The following VPS53 variants were observed in gnomAD, a reference collection of about 807,000 sequenced individuals.
VPS53 encodes the protein vacuolar protein sorting-associated protein 53 homolog.
In VPS53, 70 loss-of-function variants were observed where a neutral mutation model predicts 107.0. That is an observed-to-expected ratio of 0.65 (90% CI 0.54 to 0.80). The LOEUF (loss-of-function observed/expected upper bound fraction) is 0.80. Among genes scored for constraint, VPS53 ranks in the 30% least tolerant of loss-of-function variants. The pLI, the probability that VPS53 is intolerant of heterozygous loss-of-function variation, is 0.00. For synonymous variants in VPS53, 409 were observed against 393.3 expected (o/e 1.04, Z -0.47); for missense variants, 917 against 1,049.4 (o/e 0.87, Z 1.74).
chr17:519,727 TTGAG>T lies in VPS53; in HGVS notation c.2328+95_2328+98del. 2.1e-6 allele frequency: 2 copies of T among 934,490 alleles called. No individual in the cohort carries two copies. Among genetic ancestry groups the T allele is most frequent in the Non-Finnish European group, 3.3e-6 (2 of 602,636 alleles). The allele number at this position is 934,490 out of a possible 1,614,324, so 57.9% of individuals were successfully genotyped here. A position where few individuals can be genotyped will look rare whatever the true frequency, so the allele number is the denominator to read the frequency against. ...CTCTGTGGAGCCAGGCACATGCATT[TTGAG>T]AAAGCCCCCCCGGAACTTATATCCC... On this transcript the variant is annotated intron_variant, in intron 21 of 21. Coordinates refer to ENST00000437048, the MANE Select transcript of VPS53 (RefSeq NM_001128159.3). The surrounding 1 kb of genome is among the most constrained non-coding windows in gnomAD (Gnocchi z 5.0).
At chr17:572,776 A>C (rs984404379) in intron 13 of VPS53, among the ~76,000 whole-genome samples, 1 of 148,722 alleles carries the variant, frequency 6.7e-6, no homozygotes, top group Non-Finnish European at 1.5e-5. Context: ...ACTCAGGGTT[A>C]AATGGATTAA....
chr17:672,634 A>G (rs929295404), intron 4 of VPS53, among the ~76,000 whole-genome samples: 1 of 152,208 alleles, frequency 6.6e-6, no homozygotes, highest in Non-Finnish European at 1.5e-5. Context: ...GCTGAAAATG[A>G]GACATTCTCC....
chr17:597,848 G>A (rs1371155857), intron 12 of VPS53, among the ~76,000 whole-genome samples: 1 of 151,878 alleles, frequency 6.6e-6, no homozygotes, highest in Non-Finnish European at 1.5e-5. Context: ...GGGATTACAG[G>A]CATGAGCCAC....
chr17:629,728 A>G lies in VPS53; in HGVS notation c.688-1497T>C, dbSNP rs1317287321. Among the ~76,000 whole-genome samples, 4 of 151,568 alleles carry G rather than the reference A, an allele frequency of 2.6e-5. No individual in the cohort carries two copies. In the East Asian group the frequency reaches 7.8e-4, roughly 29 times the overall value. On this transcript the variant is annotated intron_variant, in intron 8 of 21. Transcript: ENST00000437048. Reference sequence around the variant, plus strand: ...CAGTGAGCCGAGATCGCACCACGACACTCCAGCCTGGGCAACGGAGCAAGA... The same window carrying G: ...CAGTGAGCCGAGATCGCACCACGACGCTCCAGCCTGGGCAACGGAGCAAGA...
intron 7 of VPS53, among the ~76,000 whole-genome samples, chr17:634,855 T>A (rs1970124496): frequency 6.7e-6 from 1 of 149,946 alleles, no homozygotes; most frequent in Non-Finnish European, 1.5e-5. Context: ...GCAATAAACA[T>A]ACGTGTGCAT....
At chr17:668,600 C>A (rs7209956) in intron 4 of VPS53, among the ~76,000 whole-genome samples, 8,441 of 152,228 alleles carry the variant, frequency 0.055, 770 homozygotes, top group African/African-American at 0.19. Flanking sequence ...AGGCAACTGA[C>A]CACTAGAAAG....
At chr17:536,202 A>G (rs924824693) in intron 18 of VPS53, among the ~76,000 whole-genome samples, 1 of 152,042 alleles carries the variant, frequency 6.6e-6, no homozygotes, top group African/African-American at 2.4e-5. Context: ...CTCAGGGTGC[A>G]CTCACCTGCC....
At chr17:617,747 A>T (rs9906304) in intron 11 of VPS53, among the ~76,000 whole-genome samples, 1 of 129,702 alleles carries the variant, frequency 7.7e-6, no homozygotes. Context: ...GACTACAGGC[A>T]TGCGCCACCA....
intron 13 of VPS53, among the ~76,000 whole-genome samples, chr17:582,386 C>T (rs2657617): frequency 0.51 from 74,459 of 144,996 alleles, 21,132 homozygotes; most frequent in African/African-American, 0.65. Context: ...CAACCCAGTG[C>T]GTTCCCAGAG....
intron 18 of VPS53, among the ~76,000 whole-genome samples, chr17:536,063 C>A (rs948463507): frequency 6.6e-5 from 10 of 152,198 alleles, no homozygotes; most frequent in African/African-American, 2.2e-4. Flanking sequence ...CACTGACCCT[C>A]ACCACCACCT....
At chr17:555,496 C>A (rs542029464) in intron 15 of VPS53, among the ~76,000 whole-genome samples, 11 of 152,156 alleles carry the variant, frequency 7.2e-5, no homozygotes, top group Middle Eastern at 3.4e-3. Flanking sequence ...CACGCCCGGC[C>A]CTAATTTTTG....
chr17:709,529 G>T (rs1973557546), intron 2 of VPS53, among the ~76,000 whole-genome samples: 1 of 152,074 alleles, frequency 6.6e-6, no homozygotes, highest in East Asian at 1.9e-4. Context: ...TTTCCTTACC[G>T]CACTGTCCCA....
intron 6 of VPS53, among the ~76,000 whole-genome samples, chr17:654,534 C>T (rs1002316794): frequency 2.6e-5 from 4 of 152,002 alleles, no homozygotes; most frequent in South Asian, 2.1e-4. Context: ...GTCAGGAGAT[C>T]GAGACCATCC....
chr17:664,031 C>T (rs566638655), intron 4 of VPS53, among the ~76,000 whole-genome samples: 4 of 152,176 alleles, frequency 2.6e-5, no homozygotes, highest in African/African-American at 4.8e-5. Flanking sequence ...GCACACAAAT[C>T]GGGACCTGCA....
At chr17:650,818 G>A (rs1048772338) in intron 7 of VPS53, among the ~76,000 whole-genome samples, 7 of 152,156 alleles carry the variant, frequency 4.6e-5, no homozygotes, top group African/African-American at 1.7e-4. Flanking sequence ...CTACCAAAAT[G>A]GTGAAATAAT....
intron 7 of VPS53, among the ~76,000 whole-genome samples, chr17:639,128 TA>T (rs1335983632): frequency 1.3e-5 from 2 of 152,240 alleles, no homozygotes; most frequent in Non-Finnish European, 2.9e-5. Context: ...TTTTACTCTT[TA>T]TTCTCTAAAC....
At chr17:575,440 C>T (rs1353333438) in intron 13 of VPS53, among the ~76,000 whole-genome samples, 4 of 152,160 alleles carry the variant, frequency 2.6e-5, no homozygotes, top group Admixed American at 6.5e-5. Context: ...AAACCTAATA[C>T]GTTCCCAGAG....
chr17:533,964 T>G (rs1457619934), intron 18 of VPS53, among the ~76,000 whole-genome samples: 1 of 152,124 alleles, frequency 6.6e-6, no homozygotes, highest in Non-Finnish European at 1.5e-5. Flanking sequence ...CTCAGCCTCC[T>G]GAGTAGCTGG....
chr17:705,084 G>C (rs1161513895), intron 2 of VPS53, among the ~76,000 whole-genome samples: 1 of 152,074 alleles, frequency 6.6e-6, no homozygotes, highest in African/African-American at 2.4e-5. Context: ...CAATGATGGG[G>C]ATCAAGAGCT....
Sources: allele counts gnomAD v4.1 joint callset (sites outside exome capture counted in the v4.1 genomes callset), GRCh38; gene constraint gnomAD v4.1.1; non-coding constraint Gnocchi (gnomAD v3.1); transcripts MANE v1.5; gene names NCBI Gene and HGNC (gene_info 2026-07-23, HGNC 2026-07-21).